ACAD11: variants seen among roughly 807,000 people sequenced by gnomAD.
ACAD11 encodes acyl-Coenzyme A dehydrogenase family, member 11.
In ACAD11, 83 loss-of-function variants were observed where a neutral mutation model predicts 102.2. The ratio of observed to expected loss-of-function variants is 0.81; its 90% CI spans 0.68 to 0.97. The LOEUF is 0.97. ACAD11 is among the 50% of genes least tolerant of loss of function. The pLI, the probability that ACAD11 is intolerant of heterozygous loss-of-function variation, is 0.00. For synonymous variants in ACAD11, 324 were observed against 319.8 expected, an observed-to-expected ratio of 1.01 and a Z score of -0.14; for missense variants, 901 against 951.7, an observed-to-expected ratio of 0.95 and a Z score of 0.70.
intron 15 of ACAD11, 104 bp downstream of exon 15, chr3:132,578,692 T>C: frequency 7.8e-7 from 1 of 1,274,326 alleles, no homozygotes; most frequent in Non-Finnish European, 1.1e-6. Context: ...CAAAGGAATA[T>C]CTAAGAATCT....
In ACAD11 at chr3:132,631,374, T is replaced by A; in HGVS notation, c.808A>T (p.Met270Leu). The A allele has an allele frequency of 6.5e-7, 1 of 1,528,236 alleles. No homozygotes were observed. Among genetic ancestry groups the A allele is most frequent in the Non-Finnish European group, 8.8e-7 (1 of 1,134,870 alleles). 94.7% of individuals were successfully genotyped at this position (1,528,236 alleles called of 1,614,324 possible). The part of the protein sequence containing the change: ...LFYFWPRTVP[M>L]INQGSYSENS... ...TCACTATAAGAACCTTGATTTATCATTGGAACTGTCCTTGGCCAAAAGTAG... is the reference window on the plus strand; with the variant it reads ...TCACTATAAGAACCTTGATTTATCAATGGAACTGTCCTTGGCCAAAAGTAG... Residue 270 changes from methionine to leucine, a missense_variant, in exon 6 of 20, where the codon ATG becomes TTG. Met to Leu is a conservative substitution (Grantham distance 15). Coordinates refer to ENST00000264990, the MANE Select transcript of ACAD11 (RefSeq NM_032169.5).
intron 13 of ACAD11, chr3:132,602,274 T>C (rs903439285): frequency 1.2e-5 from 2 of 167,022 alleles, no homozygotes; most frequent in Non-Finnish European, 2.9e-5. Context: ...AATTTGCTTC[T>C]ATGATGTCAA....
chr3:132,578,416 G>A (rs1453428968), intron 15 of ACAD11: 1 of 152,184 alleles, frequency 6.6e-6, no homozygotes, highest in African/African-American at 2.4e-5. Context: ...CTTGTAAGTT[G>A]ATTGATTAAG....
chr3:132,614,528 A>G (rs1939317935), intron 11 of ACAD11, among the ~76,000 whole-genome samples: 1 of 152,190 alleles, frequency 6.6e-6, no homozygotes, highest in African/African-American at 2.4e-5. Flanking sequence ...CCACACATCT[A>G]CAACCATCTG....
At position 132,644,977 on chromosome 3, in the gene ACAD11, G is replaced by A. The variant is rs77631975; in HGVS notation, c.150-81C>T. The stretch of plus-strand genomic sequence containing the variant: ...CCCAAATCCTACTGAAATGTCAGAA[G>A]AAACAAATGAAAATAAATTCATCTC... On this transcript the variant is annotated intron_variant, in intron 1 of 19. Transcript: ENST00000264990. 2,039 of 813,138 alleles carry A rather than the reference G, an allele frequency of 2.5e-3. 19 individuals carry two copies. Among genetic ancestry groups the A allele is most frequent in the African/African-American group, 0.025 (1,422 of 57,596 alleles). 50.4% of individuals were successfully genotyped at this position (813,138 alleles called of 1,614,324 possible).
chr3:132,649,546 C>A (rs771141456), intron 1 of ACAD11, among the ~76,000 whole-genome samples: 2 of 152,166 alleles, frequency 1.3e-5, no homozygotes, highest in Middle Eastern at 3.2e-3. Flanking sequence ...TTCTTGCTGA[C>A]CTTCTCCCCA....
intron 17 of ACAD11, among the ~76,000 whole-genome samples, chr3:132,568,434 CAGAAT>C (rs1393549057): frequency 1.3e-5 from 2 of 152,068 alleles, no homozygotes; most frequent in African/African-American, 4.8e-5. Flanking sequence ...ACCAGGTTCA[CAGAAT>C]AGAAAACTCC....
intron 4 of ACAD11, among the ~76,000 whole-genome samples, chr3:132,641,630 G>C (rs866460125): frequency 1.5e-4 from 19 of 124,858 alleles, no homozygotes; most frequent in Admixed American, 3.1e-4. Context: ...GGAAGAAGAG[G>C]AGGAAGAAGA....
intron 17 of ACAD11, among the ~76,000 whole-genome samples, chr3:132,568,523 C>T (rs1000072621): frequency 1.4e-4 from 22 of 152,140 alleles, no homozygotes; most frequent in African/African-American, 3.9e-4. Flanking sequence ...TATGCAAAGG[C>T]AAAGGAACCA....
chr3:132,571,601 G>A (rs569816183), intron 17 of ACAD11, among the ~76,000 whole-genome samples: 31 of 152,070 alleles, frequency 2.0e-4, no homozygotes, highest in Admixed American at 3.9e-4. Flanking sequence ...ATGGCATTGC[G>A]TAGGTTGTCT....
At chr3:132,646,316 T>C (rs1285989686) in intron 1 of ACAD11, 1 of 151,830 alleles carries the variant, frequency 6.6e-6, no homozygotes, top group East Asian at 1.9e-4. Context: ...TCTGATTGGA[T>C]GCATTTTTGA....
At chr3:132,564,708 G>A (rs745398337) in intron 17 of ACAD11, among the ~76,000 whole-genome samples, 1 of 152,202 alleles carries the variant, frequency 6.6e-6, no homozygotes, top group African/African-American at 2.4e-5. Flanking sequence ...AAGAAAATAA[G>A]TATGTCTGAT....
intron 13 of ACAD11, among the ~76,000 whole-genome samples, chr3:132,584,919 C>A (rs1325815756): frequency 6.6e-6 from 1 of 152,132 alleles, no homozygotes; most frequent in Non-Finnish European, 1.5e-5. Context: ...GCCATACTGC[C>A]CAAGGTAATT....
intron 1 of ACAD11, among the ~76,000 whole-genome samples, chr3:132,652,562 A>ATT (rs59780655): frequency 6.7e-6 from 1 of 148,500 alleles, no homozygotes; most frequent in African/African-American, 2.5e-5. Context: ...TGTTAAATCC[A>ATT]TTTTTTTTTT....
chr3:132,609,008 T>C (rs528108037), intron 11 of ACAD11, among the ~76,000 whole-genome samples: 9 of 152,188 alleles, frequency 5.9e-5, no homozygotes, highest in African/African-American at 2.2e-4. Flanking sequence ...CGCACATCTA[T>C]ATGATAACTG....
At chr3:132,603,538 G>A (rs2107825721) in intron 12 of ACAD11, among the ~76,000 whole-genome samples, 1 of 152,270 alleles carries the variant, frequency 6.6e-6, no homozygotes, top group African/African-American at 2.4e-5. Flanking sequence ...ACTGAACATT[G>A]GGGATCAGTA....
chr3:132,575,671 G>T, intron 17 of ACAD11, 101 bp downstream of exon 17: 2 of 1,394,570 alleles, frequency 1.4e-6, no homozygotes, highest in Non-Finnish European at 2.0e-6. Flanking sequence ...AGAATCACCC[G>T]GTTCATGTAG....
chr3:132,638,019 T>G (rs1414928101), intron 5 of ACAD11, among the ~76,000 whole-genome samples: 3 of 152,156 alleles, frequency 2.0e-5, no homozygotes, highest in Non-Finnish European at 4.4e-5. Flanking sequence ...GTACATATTA[T>G]GAAGCATTTA....
chr3:132,573,659 A>C (rs1279729590), intron 17 of ACAD11, among the ~76,000 whole-genome samples: 1 of 152,214 alleles, frequency 6.6e-6, no homozygotes, highest in East Asian at 1.9e-4. Context: ...GGATAATTAC[A>C]ACTTTATAAC....
Sources: allele counts gnomAD v4.1 joint callset (sites outside exome capture counted in the v4.1 genomes callset), GRCh38; gene constraint gnomAD v4.1.1; transcripts MANE v1.5; gene names NCBI Gene and HGNC (gene_info 2026-07-23, HGNC 2026-07-21).